The following DYNC2H1 variants were observed in gnomAD, a reference collection of about 807,000 sequenced individuals.
DYNC2H1 encodes cytoplasmic dynein 2 heavy chain 1.
Under a neutral mutation model 570.0 loss-of-function variants are expected in DYNC2H1, and 410 were observed. The observed-to-expected ratio is 0.72, with a 90% CI of 0.66 to 0.78. The LOEUF is 0.78. Among genes scored for constraint, DYNC2H1 ranks in the 30% least tolerant of loss-of-function variants. The pLI is 0.00. For missense variants in DYNC2H1, 4,865 were observed against 5,046.4 expected (o/e 0.96, Z 1.09); for synonymous variants, 1,688 against 1,677.6 (o/e 1.01, Z -0.15).
Position 103,256,874 on chromosome 11 carries a change from C to G in DYNC2H1, c.10461+634C>G, listed in dbSNP as rs1413729943. Among the ~76,000 whole-genome samples the G allele has an allele frequency of 2.6e-5, 4 of 152,174 alleles. No individual in the cohort carries two copies. The highest frequency in any genetic ancestry group is 5.9e-5 in the Non-Finnish European group (4 of 68,032). On this transcript the variant is annotated intron_variant, in intron 68 of 88. Transcript: ENST00000375735. This position sits in a 1 kb window ranked among gnomAD's most constrained non-coding sequence, Gnocchi z 4.0. ...AATGTAAAATTGGATCATCTATTCT[C>G]TGATCACAAATATTTACCATTTCAT...
chr11:103,266,697 C>T (rs12573859), intron 70 of DYNC2H1, among the ~76,000 whole-genome samples: 16,918 of 152,088 alleles, frequency 0.11, 974 homozygotes, highest in Non-Finnish European at 0.12. Flanking sequence ...GGGGAGGGAG[C>T]GCATGGGCTG....
At chr11:103,313,756 T>A (rs371172297) in intron 79 of DYNC2H1, among the ~76,000 whole-genome samples, 12 of 152,206 alleles carry the variant, frequency 7.9e-5, no homozygotes, top group African/African-American at 1.9e-4. Flanking sequence ...TAACACAGTG[T>A]CTGATTTGTA....
chr11:103,391,078 A>G (rs1371409226), intron 83 of DYNC2H1, among the ~76,000 whole-genome samples: 2 of 152,198 alleles, frequency 1.3e-5, no homozygotes, highest in Non-Finnish European at 2.9e-5. Context: ...CCCTGATAAT[A>G]TCCTGCAGAG....
intron 82 of DYNC2H1, among the ~76,000 whole-genome samples, chr11:103,329,680 A>ATT (rs1421793668): frequency 7.3e-6 from 1 of 137,244 alleles, no homozygotes; most frequent in Non-Finnish European, 1.6e-5. Flanking sequence ...TAGAGCATGT[A>ATT]TTTTTCTTCT....
intron 6 of DYNC2H1, among the ~76,000 whole-genome samples, chr11:103,118,232 T>A (rs1021486025): frequency 2.0e-5 from 3 of 152,120 alleles, no homozygotes; most frequent in African/African-American, 7.2e-5. Context: ...ACACAAGTTA[T>A]GAGTTTCAGT....
chr11:103,332,440 C>T (rs1938863902), intron 82 of DYNC2H1, among the ~76,000 whole-genome samples: 1 of 152,014 alleles, frequency 6.6e-6, no homozygotes, highest in Admixed American at 6.6e-5. Context: ...GATAAATTTC[C>T]ACCACCTCAC....
At chr11:103,384,879 G>C (rs1941810628) in intron 83 of DYNC2H1, among the ~76,000 whole-genome samples, 1 of 152,108 alleles carries the variant, frequency 6.6e-6, no homozygotes, top group Non-Finnish European at 1.5e-5. Flanking sequence ...AGTGTAGAAA[G>C]TATCTTTTGG....
intron 82 of DYNC2H1, among the ~76,000 whole-genome samples, chr11:103,338,786 C>T (rs1021668140): frequency 6.6e-6 from 1 of 152,150 alleles, no homozygotes; most frequent in Non-Finnish European, 1.5e-5. Context: ...TGTCTGAGGT[C>T]ACATGTCTTC....
chr11:103,113,832 CTTAACTTTTT>C (rs1475166150), intron 2 of DYNC2H1, 125 bp downstream of exon 2: 5 of 914,226 alleles, frequency 5.5e-6, no homozygotes, highest in Non-Finnish European at 7.5e-6. Flanking sequence ...AATATCTTTT[CTTAACTTTTT>C]TTAACTTAAA....
At position 103,191,501 on chromosome 11, in the gene DYNC2H1, G is replaced by A. The variant is rs779895331; in HGVS notation, c.7438-16G>A. 26 of 1,562,294 alleles carry A rather than the reference G, an allele frequency of 1.7e-5. No individual in the cohort carries two copies. The South Asian group carries it at 2.5e-4, about 15-fold the overall frequency. Reference sequence around the variant, plus strand: ...TAAGGCAGTAGAAAGATTGTTTACTGTATTTTCTTTTTCAGGTGCGAGCCA... The same window carrying A: ...TAAGGCAGTAGAAAGATTGTTTACTATATTTTCTTTTTCAGGTGCGAGCCA... On this transcript the variant is annotated splice_polypyrimidine_tract_variant and intron_variant, in intron 45 of 88. Coordinates refer to ENST00000375735, the MANE Select transcript of DYNC2H1 (RefSeq NM_001377.3).
intron 82 of DYNC2H1, among the ~76,000 whole-genome samples, chr11:103,329,985 C>G (rs528552501): frequency 2.6e-5 from 4 of 152,268 alleles, no homozygotes; most frequent in African/African-American, 7.2e-5. Flanking sequence ...CAAAGCTTAT[C>G]CTCTCCTGAA....
intron 60 of DYNC2H1, among the ~76,000 whole-genome samples, chr11:103,233,672 T>C (rs550882304): frequency 2.0e-5 from 3 of 151,980 alleles, no homozygotes; most frequent in African/African-American, 7.2e-5. Context: ...TGACATATAT[T>C]AATGGTTTTG....
intron 47 of DYNC2H1, 109 bp from the exon 48 acceptor site, chr11:103,197,824 A>T (rs1862560883): frequency 1.6e-5 from 20 of 1,229,864 alleles, no homozygotes; most frequent in Non-Finnish European, 2.3e-5. Flanking sequence ...CCTTCTGGAG[A>T]TGATCTTATT....
chr11:103,462,683 A>G (rs1040538850), intron 87 of DYNC2H1, among the ~76,000 whole-genome samples: 5 of 152,234 alleles, frequency 3.3e-5, no homozygotes, highest in African/African-American at 1.2e-4. Flanking sequence ...GGAATATTCA[A>G]AAGATGCTGT....
At chr11:103,394,379 A>G (rs1822402172) in intron 83 of DYNC2H1, among the ~76,000 whole-genome samples, 4 of 152,168 alleles carry the variant, frequency 2.6e-5, no homozygotes, top group Non-Finnish European at 4.4e-5. Context: ...ACAACTACTT[A>G]CGTAATGCTT....
rs540578589 is a variant in DYNC2H1, at chr11:103,317,347, G to T, written c.11725+727G>T. Reference sequence around the variant, plus strand: ...GTATTAATAGTTGTTCAAGGCTAAAGCCTGTGAGTCACCTTGGATTCTTTT... The same window carrying T: ...GTATTAATAGTTGTTCAAGGCTAAATCCTGTGAGTCACCTTGGATTCTTTT... On this transcript the variant is annotated intron_variant, in intron 80 of 88. Transcript: ENST00000375735. 2.7e-5 allele frequency among the ~76,000 whole-genome samples: 4 copies of T among 149,660 alleles called. No individual in the cohort carries two copies. In the South Asian group the frequency reaches 8.5e-4, roughly 32 times the overall value.
At chr11:103,142,059 GA>G (rs1267621278) in intron 17 of DYNC2H1, among the ~76,000 whole-genome samples, 1 of 152,208 alleles carries the variant, frequency 6.6e-6, no homozygotes, top group Non-Finnish European at 1.5e-5. Flanking sequence ...AGGCCCATTG[GA>G]AAAGTGTAGT....
At position 103,183,209 on chromosome 11, in the gene DYNC2H1, A is replaced by G. The variant is rs780381835; in HGVS notation, c.6477+1323A>G. On this transcript the variant is annotated intron_variant, in intron 40 of 88. Transcript: ENST00000375735. ...GCTTAATTATATACCTGATGCCTAC[A>G]TTGTGACACCTTTTCAGTAGATATG... Among the ~76,000 whole-genome samples, 16 of 152,070 alleles carry G rather than the reference A, an allele frequency of 1.1e-4. 1 individual carries two copies. The highest frequency in any genetic ancestry group is 6.8e-3 in the Middle Eastern group (2 of 294).
At chr11:103,452,830 A>G (rs1028630974) in intron 85 of DYNC2H1, among the ~76,000 whole-genome samples, 2 of 152,018 alleles carry the variant, frequency 1.3e-5, no homozygotes, top group African/African-American at 2.4e-5. Flanking sequence ...AATGCTTCTG[A>G]GTAAATGAAT....
Sources: gnomAD v4.1 joint callset for allele counts (sites outside exome capture counted in the v4.1 genomes callset) on GRCh38, gnomAD v4.1.1 for gene constraint, Gnocchi (gnomAD v3.1) non-coding constraint, MANE v1.5 for transcripts, NCBI Gene and HGNC (gene_info 2026-07-23, HGNC 2026-07-21) for gene names.